The following GRM5 variants were observed in gnomAD, a reference collection of about 807,000 sequenced individuals.
GRM5 encodes metabotropic glutamate receptor 5.
GRM5 carries 19 observed loss-of-function variants against 83.1 expected under a neutral mutation model. That is an observed-to-expected ratio of 0.23 (90% CI 0.16 to 0.34). GRM5 has a LOEUF of 0.34. GRM5 is among the 10% of genes least tolerant of loss of function. The pLI is 1.00. For synonymous variants in GRM5, 675 were observed against 633.6 expected (o/e 1.07, Z -0.98); for missense variants, 1,160 against 1,588.3 (o/e 0.73, Z 4.58).
intron 2 of GRM5, among the ~76,000 whole-genome samples, chr11:89,013,080 G>T (rs2135094184): frequency 6.6e-6 from 1 of 152,232 alleles, no homozygotes. Flanking sequence ...CTGAATCTAA[G>T]ATCTTGCAGA....
intron 4 of GRM5, among the ~76,000 whole-genome samples, chr11:88,613,733 G>C (rs1033591740): frequency 6.6e-6 from 1 of 152,100 alleles, no homozygotes; most frequent in African/African-American, 2.4e-5. Context: ...TGTGCTATTA[G>C]CTGCTAACCA....
In GRM5 at chr11:88,899,620, C is replaced by T. The variant is rs181541275; in HGVS notation, c.662-49465G>A. Reference sequence around the variant, plus strand: ...AATAACCTACAGTTTGAAATTTAAGCTCCATTTAGGAGCCAGAACCAATTA... The same window carrying T: ...AATAACCTACAGTTTGAAATTTAAGTTCCATTTAGGAGCCAGAACCAATTA... On this transcript the variant is annotated intron_variant, in intron 2 of 9. Coordinates refer to ENST00000305447, the MANE Select transcript of GRM5 (RefSeq NM_001143831.3). Among the ~76,000 whole-genome samples the T allele has an allele frequency of 6.6e-5, 10 of 151,970 alleles. No individual in the cohort carries two copies. In the East Asian group the frequency reaches 1.5e-3, roughly 24 times the overall value.
At position 88,507,380 on chromosome 11, in the gene GRM5, C is replaced by T. The variant is rs540396330; in HGVS notation, c.*1212G>A. On this transcript the variant is annotated 3_prime_UTR_variant, in exon 10 of 10. Transcript: ENST00000305447. ...TTCATAGCTGCCCTGTTTAAGCAGC[C>T]AAGAATAGTTAAAATCACTGCTCAC... The T allele has an allele frequency of 2.6e-5, 4 of 152,208 alleles. No homozygotes were observed. The East Asian group carries it at 7.7e-4, about 29-fold the overall frequency. 9.4% of individuals were successfully genotyped at this position (152,208 alleles called of 1,614,324 possible).
chr11:88,798,805 CAAAAAAAAAAA>C (rs4002396), intron 3 of GRM5, among the ~76,000 whole-genome samples: 1 of 55,400 alleles, frequency 1.8e-5, no homozygotes, highest in East Asian at 5.0e-4. Flanking sequence ...ATGAAAACAC[CAAAAAAAAAAA>C]AAAAAAAAAA....
chr11:88,922,220 A>G (rs686845), intron 2 of GRM5, among the ~76,000 whole-genome samples: 48,871 of 152,040 alleles, frequency 0.32, 8,052 homozygotes, highest in Non-Finnish European at 0.36. Context: ...TTCTCACATA[A>G]GTAGAAAAAG....
chr11:88,523,805 G>T (rs566971384), intron 9 of GRM5, among the ~76,000 whole-genome samples: 9 of 152,258 alleles, frequency 5.9e-5, no homozygotes, highest in African/African-American at 2.2e-4. Flanking sequence ...GCAATATGGT[G>T]GGCCTTGGAA....
intron 3 of GRM5, among the ~76,000 whole-genome samples, chr11:88,792,131 A>T (rs1236922433): frequency 6.6e-6 from 1 of 152,090 alleles, no homozygotes; most frequent in East Asian, 1.9e-4. Context: ...CCAACAACCT[A>T]GTTTTTTAAA....
At chr11:88,943,308 C>A (rs893502012) in intron 2 of GRM5, among the ~76,000 whole-genome samples, 1 of 152,022 alleles carries the variant, frequency 6.6e-6, no homozygotes, top group Non-Finnish European at 1.5e-5. Flanking sequence ...ATCTAGAAAT[C>A]ATCACAAAAT....
chr11:88,721,630 C>T (rs1411107801), intron 3 of GRM5, among the ~76,000 whole-genome samples: 2 of 152,084 alleles, frequency 1.3e-5, no homozygotes, highest in Non-Finnish European at 2.9e-5. Context: ...TACAAATGCA[C>T]ATCCATAACT....
chr11:88,720,308 G>T (rs550297854), intron 3 of GRM5, among the ~76,000 whole-genome samples: 76 of 38,166 alleles, frequency 2.0e-3, no homozygotes, highest in Middle Eastern at 0.031. Context: ...AGCTTTGAGG[G>T]GAAAGTGTTT....
chr11:88,584,697 G>A (rs2135198812), intron 7 of GRM5, among the ~76,000 whole-genome samples: 1 of 152,212 alleles, frequency 6.6e-6, no homozygotes, highest in Admixed American at 6.5e-5. Flanking sequence ...ACCCAATGTA[G>A]CCTCCCAAAG....
intron 3 of GRM5, among the ~76,000 whole-genome samples, chr11:88,839,875 TTATAA>T (rs1470375690): frequency 1.3e-5 from 2 of 152,026 alleles, no homozygotes; most frequent in African/African-American, 4.8e-5. Context: ...TACTGTATTC[TTATAA>T]TAAAGTAAGC....
chr11:88,712,435 T>A (rs2135385538), intron 3 of GRM5, among the ~76,000 whole-genome samples: 1 of 152,146 alleles, frequency 6.6e-6, no homozygotes, highest in Middle Eastern at 3.4e-3. Context: ...ATGTTTTTAG[T>A]GGTCTCATTG....
At chr11:88,545,887 A>G (rs571640706) in intron 8 of GRM5, among the ~76,000 whole-genome samples, 1 of 151,974 alleles carries the variant, frequency 6.6e-6, no homozygotes, top group Non-Finnish European at 1.5e-5. Context: ...ACAATATACA[A>G]AATATATATT....
intron 4 of GRM5, among the ~76,000 whole-genome samples, chr11:88,649,486 T>C (rs1939575119): frequency 6.9e-6 from 1 of 144,758 alleles, no homozygotes; most frequent in African/African-American, 2.5e-5. Context: ...ATAATTTATA[T>C]ATTACATATA....
chr11:88,552,414 T>C (rs189559103), intron 8 of GRM5, among the ~76,000 whole-genome samples: 1 of 152,278 alleles, frequency 6.6e-6, no homozygotes, highest in Non-Finnish European at 1.5e-5. Context: ...GTATTAGGAA[T>C]CTTCTTCAGC....
rs189225053 is a variant in GRM5 at position 88,860,806 on chromosome 11, C to T, written c.662-10651G>A. Among the ~76,000 whole-genome samples, 40 of 152,202 alleles carry T rather than the reference C, an allele frequency of 2.6e-4. No individual in the cohort carries two copies. The East Asian group carries it at 7.5e-3, about 29-fold the overall frequency. Reference sequence around the variant, plus strand: ...TATAATGGCTGCACTGTCATTGTTGCCAAATTTTGAGCCTCATTTAAGAGT... The same window carrying T: ...TATAATGGCTGCACTGTCATTGTTGTCAAATTTTGAGCCTCATTTAAGAGT... On this transcript the variant is annotated intron_variant, in intron 2 of 9. Coordinates refer to ENST00000305447, the MANE Select transcript of GRM5 (RefSeq NM_001143831.3).
At chr11:88,776,640 A>T (rs1942857270) in intron 3 of GRM5, among the ~76,000 whole-genome samples, 1 of 152,164 alleles carries the variant, frequency 6.6e-6, no homozygotes, top group African/African-American at 2.4e-5. Flanking sequence ...CCTGGTGGTG[A>T]CAATATCTCT....
chr11:88,739,591 G>C (rs1022380749), intron 3 of GRM5, among the ~76,000 whole-genome samples: 7 of 152,026 alleles, frequency 4.6e-5, no homozygotes, highest in Non-Finnish European at 8.8e-5. Context: ...AAAGTGTTTG[G>C]ATTATGGGGG....
Sources: gnomAD v4.1 joint callset for allele counts (sites outside exome capture counted in the v4.1 genomes callset) on GRCh38, gnomAD v4.1.1 for gene constraint, MANE v1.5 for transcripts, NCBI Gene and HGNC (gene_info 2026-07-23, HGNC 2026-07-21) for gene names.